Variants in TECTA observed in about 807,000 individuals in gnomAD.
The protein encoded by TECTA is tectorin alpha.
Under a neutral mutation model 216.8 loss-of-function variants are expected in TECTA, and 128 were observed. That is an observed-to-expected ratio of 0.59 (90% CI 0.51 to 0.68). The LOEUF is 0.68. Among genes scored for constraint, TECTA ranks in the 30% least tolerant of loss-of-function variants. TECTA has a pLI of 0.00. For synonymous variants in TECTA, 1,089 were observed against 1,117.1 expected (o/e 0.97, Z 0.50); for missense variants, 2,551 against 2,786.2 (o/e 0.92, Z 1.90).
chr11:121,143,716 A>T (rs1354280983), intron 11 of TECTA, among the ~76,000 whole-genome samples: 1 of 152,230 alleles, frequency 6.6e-6, no homozygotes, highest in Non-Finnish European at 1.5e-5. Context: ...AAGAGCAGAT[A>T]GTTGAGTTTT....
intron 3 of TECTA, among the ~76,000 whole-genome samples, chr11:121,107,984 G>A (rs964769333): frequency 1.4e-4 from 21 of 152,122 alleles, no homozygotes; most frequent in African/African-American, 5.1e-4. Context: ...TGCTCTGAGT[G>A]CAGGAGTGGT....
intron 7 of TECTA, among the ~76,000 whole-genome samples, chr11:121,125,083 A>C (rs1455646785): frequency 6.6e-6 from 1 of 152,248 alleles, no homozygotes; most frequent in African/African-American, 2.4e-5. Context: ...CAGCAATCAC[A>C]GCCCATATAC....
chr11:121,147,955 C>T (rs866074933), intron 12 of TECTA, among the ~76,000 whole-genome samples: 1 of 152,180 alleles, frequency 6.6e-6, no homozygotes, highest in African/African-American at 2.4e-5. Flanking sequence ...ATTGAGTCAG[C>T]AAGGCCTCAC....
chr11:121,191,086 C>A lies in TECTA; in HGVS notation c.*280C>A. ...AGAGACTTTGGTTCACATGAAAAAC[C>A]AGTAAAGGAAAAAAATTCTGGTTAG... On this transcript the variant is annotated 3_prime_UTR_variant, in exon 24 of 24. Coordinates refer to ENST00000392793, the MANE Select transcript of TECTA (RefSeq NM_005422.4). 2.9e-6 allele frequency: 1 copy of A among 350,040 alleles called. No homozygotes were observed. The allele number at this position is 350,040 out of a possible 1,614,324, so 21.7% of individuals were successfully genotyped here.
intron 19 of TECTA, 116 bp downstream of exon 19, chr11:121,168,333 T>G (rs1355863766): frequency 5.7e-6 from 8 of 1,391,488 alleles, no homozygotes; most frequent in Non-Finnish European, 7.1e-6. Context: ...ATAATTCACG[T>G]TTCTTGAGCC....
intron 15 of TECTA, 48 bp from the exon 16 acceptor site, chr11:121,162,027 C>T: frequency 6.2e-7 from 1 of 1,611,388 alleles, no homozygotes; most frequent in Non-Finnish European, 8.5e-7. Flanking sequence ...AATTTACCTT[C>T]CATTGGAGAT....
chr11:121,157,924 A>G lies in TECTA; in HGVS notation c.4389A>G (p.Gln1463=). ...RRNVIQCDPR[Q]CKSDEECALR... Reference sequence around the variant, plus strand: ...ACGTGATTCAGTGCGACCCGCGCCAATGCAAGTCAGACGAGGAGTGTGCGC... The same window carrying G: ...ACGTGATTCAGTGCGACCCGCGCCAGTGCAAGTCAGACGAGGAGTGTGCGC... The change falls in exon 14 of 24, where the codon CAA becomes CAG. Residue 1463 remains glutamine (Q), a synonymous_variant. Transcript: ENST00000392793. 6.2e-7 allele frequency: 1 copy of G among 1,614,168 alleles called. No individual in the cohort carries two copies. Among genetic ancestry groups the G allele is most frequent in the South Asian group, 1.1e-5 (1 of 91,090 alleles).
intron 10 of TECTA, among the ~76,000 whole-genome samples, chr11:121,132,093 C>T (rs909961731): frequency 1.2e-4 from 18 of 152,118 alleles, no homozygotes; most frequent in Non-Finnish European, 1.9e-4. Flanking sequence ...GATTTAGTAT[C>T]CAGTGATGAT....
intron 6 of TECTA, among the ~76,000 whole-genome samples, chr11:121,114,441 G>C (rs996554144): frequency 2.0e-5 from 3 of 152,116 alleles, no homozygotes; most frequent in Non-Finnish European, 4.4e-5. Context: ...ATGAATTCCT[G>C]CTTTTTTGTG....
chr11:121,130,701 C>T (rs1946665849), intron 10 of TECTA, among the ~76,000 whole-genome samples: 1 of 152,170 alleles, frequency 6.6e-6, no homozygotes. Context: ...GTATCTGACC[C>T]CTCTCAGCAA....
At chr11:121,184,020 C>T (rs1169045733) in intron 20 of TECTA, among the ~76,000 whole-genome samples, 1 of 152,166 alleles carries the variant, frequency 6.6e-6, no homozygotes, top group African/African-American at 2.4e-5. Flanking sequence ...AACTCTTAGG[C>T]TCAAGTGATC....
chr11:121,188,015 A>G (rs1683505200), intron 21 of TECTA, 21 bp downstream of exon 21: 1 of 1,613,922 alleles, frequency 6.2e-7, no homozygotes, highest in Non-Finnish European at 8.5e-7. Context: ...GTGTGAAAAC[A>G]AAGTGCTTAG....
intron 20 of TECTA, among the ~76,000 whole-genome samples, chr11:121,178,430 A>G (rs572948612): frequency 6.6e-6 from 1 of 150,586 alleles, no homozygotes; most frequent in Non-Finnish European, 1.5e-5. Context: ...ATCATGGCGT[A>G]TTATCTTTTT....
chr11:121,128,265 C>T lies in TECTA; in HGVS notation c.2288C>T (p.Pro763Leu), dbSNP rs151296951. 1.0e-5 allele frequency: 16 copies of T among 1,599,934 alleles called. No homozygotes were observed. The African/African-American group carries it at 1.5e-4, about 15-fold the overall frequency. Reference sequence around the variant, plus strand: ...AACAAGAAGAAGCCCGATGCAGGACCTGCTTGGCTGCGGGGACTTCGGATC... The same window carrying T: ...AACAAGAAGAAGCCCGATGCAGGACTTGCTTGGCTGCGGGGACTTCGGATC... ...DINKKKPDAG[P>L]AWLRGLRILV... The change falls in exon 9 of 24, where the codon CCT becomes CTT. Residue 763 changes from proline to leucine, a missense_variant. Pro to Leu is a moderately conservative substitution (Grantham distance 98). This residue lies in a region of TECTA where 2,375 missense variants were observed against 2,563.9 expected (regional missense o/e 0.93). Transcript: ENST00000392793.
chr11:121,167,173 G>A (rs912890479), intron 18 of TECTA, among the ~76,000 whole-genome samples: 2 of 152,224 alleles, frequency 1.3e-5, no homozygotes, highest in African/African-American at 2.4e-5. Flanking sequence ...GCTCATGCCT[G>A]TAATCCCAGC....
chr11:121,143,166 G>T (rs1946800514), intron 11 of TECTA, among the ~76,000 whole-genome samples: 1 of 152,198 alleles, frequency 6.6e-6, no homozygotes, highest in African/African-American at 2.4e-5. Context: ...GTTTTGCAGG[G>T]TTTATCTCTT....
intron 4 of TECTA, chr11:121,110,011 A>G (rs1056472277): frequency 3.6e-5 from 6 of 168,508 alleles, no homozygotes; most frequent in Non-Finnish European, 7.8e-5. Context: ...CATCTTTTTT[A>G]TTGTTACCAG....
intron 20 of TECTA, among the ~76,000 whole-genome samples, chr11:121,172,900 A>G (rs1022171900): frequency 9.0e-4 from 135 of 149,960 alleles, no homozygotes; most frequent in Middle Eastern, 3.4e-3. Context: ...GTGAGATGGT[A>G]TCTCATTGTG....
chr11:121,143,715 T>C (rs1197644514), intron 11 of TECTA, among the ~76,000 whole-genome samples: 2 of 152,144 alleles, frequency 1.3e-5, no homozygotes, highest in South Asian at 2.1e-4. Context: ...GAAGAGCAGA[T>C]AGTTGAGTTT....
Sources: gnomAD v4.1 joint callset for allele counts (sites outside exome capture counted in the v4.1 genomes callset) on GRCh38, gnomAD v4.1.1 for gene constraint, gnomAD v4.1.1 regional missense constraint, MANE v1.5 for transcripts, NCBI Gene and HGNC (gene_info 2026-07-23, HGNC 2026-07-21) for gene names.